Variants in CNBD1 observed in about 807,000 individuals in gnomAD.
CNBD1 encodes the protein cyclic nucleotide binding domain containing 1.
In CNBD1, 71 loss-of-function variants were observed where a neutral mutation model predicts 54.4. That is an observed-to-expected ratio of 1.30 (90% CI 1.08 to 1.59). CNBD1 has a LOEUF of 1.59. CNBD1 is among the 40% of genes most tolerant of loss of function. The pLI is 0.00. For synonymous variants in CNBD1, 182 were observed against 170.7 expected (o/e 1.07, Z -0.51); for missense variants, 659 against 518.0 (o/e 1.27, Z -2.64).
chr8:87,395,905 C>T (rs1345297557), intron 2 of CNBD1, among the ~76,000 whole-genome samples: 2 of 151,862 alleles, frequency 1.3e-5, no homozygotes, highest in African/African-American at 4.8e-5. Flanking sequence ...CTTTTCTCCT[C>T]CTTCGCTCAG....
Position 87,284,706 on chromosome 8 carries a change from T to G in CNBD1, c.800T>G (p.Leu267Arg). ...AGCAAATGGAGTACCTTTGGGACTCTGGAAGTTATGCCTCAGAATGAATCG... is the reference window on the plus strand; with the variant it reads ...AGCAAATGGAGTACCTTTGGGACTCGGGAAGTTATGCCTCAGAATGAATCG... ...MLSKWSTFGT[L>R]EVMPQNESET... Residue 267 changes from leucine (L) to arginine (R), a missense_variant, in exon 7 of 11, where the codon CTG (leucine) becomes CGG (arginine). Leu to Arg is a moderately radical substitution (Grantham distance 102, BLOSUM62 -2). Coordinates refer to ENST00000518476, the MANE Select transcript of CNBD1 (RefSeq NM_173538.3). 6.2e-7 allele frequency: 1 copy of G among 1,606,560 alleles called. No homozygotes were observed. The highest frequency in any genetic ancestry group is 8.5e-7 in the Non-Finnish European group (1 of 1,176,670).
chr8:87,020,027 T>C (rs1256711478), intron 4 of CNBD1, among the ~76,000 whole-genome samples: 9 of 151,952 alleles, frequency 5.9e-5, no homozygotes, highest in Admixed American at 5.9e-4. Context: ...TGCATATGGG[T>C]TTTTTCTGGC....
intron 4 of CNBD1, among the ~76,000 whole-genome samples, chr8:87,143,312 C>T (rs1386535654): frequency 6.6e-6 from 1 of 152,164 alleles, no homozygotes; most frequent in Non-Finnish European, 1.5e-5. Context: ...GGCTAACTAA[C>T]CCACCATACC....
chr8:87,230,774 A>G (rs1264984832), intron 5 of CNBD1, among the ~76,000 whole-genome samples: 2 of 152,182 alleles, frequency 1.3e-5, no homozygotes, highest in Non-Finnish European at 2.9e-5. Context: ...TCTAGATTTA[A>G]GAAATCTAGA....
At chr8:86,946,201 A>G (rs13266154) in intron 4 of CNBD1, among the ~76,000 whole-genome samples, 11,690 of 152,208 alleles carry the variant, frequency 0.077, 491 homozygotes, top group South Asian at 0.083. Flanking sequence ...TGTGTCTCTG[A>G]ATAATAATGT....
chr8:87,411,527 T>A (rs1207809468), intron 2 of CNBD1, among the ~76,000 whole-genome samples: 1 of 150,056 alleles, frequency 6.7e-6, no homozygotes, highest in Non-Finnish European at 1.5e-5. Context: ...TTAAGCCATT[T>A]CTTGGAAATA....
intron 4 of CNBD1, among the ~76,000 whole-genome samples, chr8:87,080,265 T>C (rs1810962477): frequency 6.6e-6 from 1 of 152,198 alleles, no homozygotes; most frequent in East Asian, 1.9e-4. Context: ...ACTTTGGATT[T>C]TCTAGGTCAG....
At chr8:87,357,378 G>A (rs1402238524) in intron 10 of CNBD1, among the ~76,000 whole-genome samples, 1 of 152,198 alleles carries the variant, frequency 6.6e-6, no homozygotes, top group Non-Finnish European at 1.5e-5. Context: ...CACGTGGGCT[G>A]CATCCAGCAA....
chr8:87,164,529 T>C (rs1441690478), intron 4 of CNBD1, among the ~76,000 whole-genome samples: 1 of 151,758 alleles, frequency 6.6e-6, no homozygotes, highest in African/African-American at 2.4e-5. Flanking sequence ...TGGTAGGTTC[T>C]ATTTTTCTAG....
intron 10 of CNBD1, among the ~76,000 whole-genome samples, chr8:87,361,603 G>A (rs1398111088): frequency 6.6e-6 from 1 of 151,146 alleles, no homozygotes; most frequent in East Asian, 1.9e-4. Flanking sequence ...CCAGTTATAG[G>A]AAATTTACTC....
intron 7 of CNBD1, among the ~76,000 whole-genome samples, chr8:87,285,769 C>G (rs1563538204): frequency 6.6e-6 from 1 of 152,162 alleles, no homozygotes; most frequent in Non-Finnish European, 1.5e-5. Flanking sequence ...ACTCGGGAGG[C>G]TGAGGCAGGA....
In CNBD1 at chr8:86,915,353, C is replaced by T. The variant is rs575812461; in HGVS notation, c.272+10159C>T. ...TTCAGGTATAATTGGAGAAGTTGCA[C>T]GTCTTGTGACCTCCAGCATAGTGGC... On this transcript the variant is annotated intron_variant, in intron 3 of 10. Transcript: ENST00000518476. Among the ~76,000 whole-genome samples, 16 of 152,266 alleles carry T rather than the reference C, an allele frequency of 1.1e-4. No individual in the cohort carries two copies. In the South Asian group the frequency reaches 2.1e-3, roughly 20 times the overall value.
chr8:86,952,138 G>A (rs1372372727), intron 4 of CNBD1, among the ~76,000 whole-genome samples: 1 of 152,084 alleles, frequency 6.6e-6, no homozygotes, highest in Non-Finnish European at 1.5e-5. Context: ...CTACTTTTCT[G>A]CGCCAAACCA....
intron 4 of CNBD1, among the ~76,000 whole-genome samples, chr8:87,068,447 A>G (rs1810698047): frequency 1.3e-5 from 2 of 151,998 alleles, no homozygotes; most frequent in East Asian, 3.8e-4. Context: ...ATTGGGTTTT[A>G]TGTAAAGAAA....
chr8:87,393,202 A>T (rs890056067), intron 2 of CNBD1, among the ~76,000 whole-genome samples: 33 of 151,858 alleles, frequency 2.2e-4, no homozygotes, highest in African/African-American at 7.7e-4. Context: ...TGTTCCAGTG[A>T]GCAGGGAGGC....
intron 4 of CNBD1, among the ~76,000 whole-genome samples, chr8:87,153,962 G>T (rs1812660198): frequency 6.6e-6 from 1 of 152,102 alleles, no homozygotes; most frequent in Non-Finnish European, 1.5e-5. Flanking sequence ...ACAAGTAGTG[G>T]CACGGAACTG....
chr8:87,360,705 T>C (rs548377765), intron 10 of CNBD1, among the ~76,000 whole-genome samples: 40 of 152,104 alleles, frequency 2.6e-4, no homozygotes, highest in African/African-American at 8.7e-4. Context: ...TTTTTTATTA[T>C]ATCTCATTCA....
intron 10 of CNBD1, among the ~76,000 whole-genome samples, chr8:87,363,310 A>G (rs114072448): frequency 6.6e-6 from 1 of 152,054 alleles, no homozygotes; most frequent in Non-Finnish European, 1.5e-5. Context: ...AACATACTAC[A>G]TGTGCATGTG....
chr8:86,928,705 GC>G (rs916092923), intron 3 of CNBD1, among the ~76,000 whole-genome samples: 9 of 152,320 alleles, frequency 5.9e-5, no homozygotes, highest in African/African-American at 2.2e-4. Flanking sequence ...CCGGGATAGT[GC>G]CCTATTTTTT....
Sources: gnomAD v4.1 joint callset for allele counts (sites outside exome capture counted in the v4.1 genomes callset) on GRCh38, gnomAD v4.1.1 for gene constraint, MANE v1.5 for transcripts, NCBI Gene and HGNC (gene_info 2026-07-23, HGNC 2026-07-21) for gene names.